Variants in CTNNBL1 observed in about 807,000 individuals in gnomAD.
CTNNBL1 encodes beta-catenin-like protein 1.
Under a neutral mutation model 72.7 loss-of-function variants are expected in CTNNBL1, and 31 were observed. The ratio of observed to expected loss-of-function variants is 0.43; its 90% CI spans 0.32 to 0.58. The LOEUF (loss-of-function observed/expected upper bound fraction) is 0.58. CTNNBL1 is among the 20% of genes least tolerant of loss of function. The pLI, the probability that CTNNBL1 is intolerant of heterozygous loss-of-function variation, is 0.08. For missense variants in CTNNBL1, 534 were observed against 725.1 expected (o/e 0.74, Z 3.03); for synonymous variants, 240 against 267.3 (o/e 0.90, Z 1.00).
At chr20:37,752,890 A>G (rs181307007) in intron 4 of CTNNBL1, among the ~76,000 whole-genome samples, 2 of 152,222 alleles carry the variant, frequency 1.3e-5, no homozygotes, top group African/African-American at 2.4e-5. Context: ...TCGCAGGGAG[A>G]CAGGCTCTCT....
chr20:37,694,681 T>TA (rs2072774956), intron 1 of CTNNBL1, among the ~76,000 whole-genome samples: 1 of 152,226 alleles, frequency 6.6e-6, no homozygotes, highest in African/African-American at 2.4e-5. Flanking sequence ...AAGCTGGTTT[T>TA]AAAGTGTGGA....
chr20:37,864,526 G>T (rs1044863785), intron 15 of CTNNBL1, among the ~76,000 whole-genome samples: 1 of 152,190 alleles, frequency 6.6e-6, no homozygotes, highest in South Asian at 2.1e-4. Context: ...TGCCAAGAGC[G>T]CAGGGAATAA....
chr20:37,698,738 A>G (rs2072813909), intron 1 of CTNNBL1, among the ~76,000 whole-genome samples: 1 of 152,140 alleles, frequency 6.6e-6, no homozygotes, highest in Non-Finnish European at 1.5e-5. Flanking sequence ...GAAAGTCATG[A>G]GTTTATGGAT....
intron 7 of CTNNBL1, among the ~76,000 whole-genome samples, chr20:37,769,088 A>G (rs1235468183): frequency 6.6e-6 from 1 of 152,180 alleles, no homozygotes; most frequent in Non-Finnish European, 1.5e-5. Context: ...CTATAAATTA[A>G]ACTTTATTAT....
chr20:37,849,506 T>G (rs930662680), intron 13 of CTNNBL1, among the ~76,000 whole-genome samples: 1 of 152,260 alleles, frequency 6.6e-6, no homozygotes, highest in Non-Finnish European at 1.5e-5. Flanking sequence ...CTCCGAACTC[T>G]GCCCAGAATA....
intron 5 of CTNNBL1, among the ~76,000 whole-genome samples, chr20:37,764,130 A>AGACCT (rs1287486486): frequency 1.3e-5 from 2 of 152,174 alleles, no homozygotes; most frequent in African/African-American, 4.8e-5. Context: ...GACCTAGGGT[A>AGACCT]AGGCCTGTTA....
chr20:37,816,424 GT>G (rs2072059758), intron 11 of CTNNBL1, among the ~76,000 whole-genome samples: 1 of 152,234 alleles, frequency 6.6e-6, no homozygotes, highest in African/African-American at 2.4e-5. Context: ...GAAGACTTGG[GT>G]TTGTGTTTCT....
chr20:37,754,501 A>G (rs2073347123), intron 4 of CTNNBL1, among the ~76,000 whole-genome samples: 1 of 152,178 alleles, frequency 6.6e-6, no homozygotes, highest in Non-Finnish European at 1.5e-5. Context: ...TATGCATATT[A>G]AATAAGCATT....
chr20:37,777,289 TG>T, intron 7 of CTNNBL1, 55 bp from the exon 8 acceptor site: 1 of 1,413,726 alleles, frequency 7.1e-7, no homozygotes, highest in Non-Finnish European at 1.0e-6. Context: ...AAATTTGTCC[TG>T]GGGAAGGAAG....
intron 11 of CTNNBL1, among the ~76,000 whole-genome samples, chr20:37,818,549 GTCTTT>G (rs1440097576): frequency 6.6e-6 from 1 of 152,214 alleles, no homozygotes; most frequent in African/African-American, 2.4e-5. Context: ...CCAGACTACT[GTCTTT>G]GTCAAGACTT....
chr20:37,711,810 T>C (rs999508813), intron 1 of CTNNBL1, among the ~76,000 whole-genome samples: 2 of 151,428 alleles, frequency 1.3e-5, no homozygotes, highest in African/African-American at 4.9e-5. Context: ...AACTCTGAGG[T>C]GGGAACAGAC....
intron 3 of CTNNBL1, among the ~76,000 whole-genome samples, chr20:37,745,565 A>T (rs2073255019): frequency 6.6e-6 from 1 of 152,126 alleles, no homozygotes; most frequent in African/African-American, 2.4e-5. Flanking sequence ...AGATAACCTT[A>T]TTGTCCCTAT....
chr20:37,864,879 CG>C (rs770800231), intron 15 of CTNNBL1, among the ~76,000 whole-genome samples: 3 of 152,050 alleles, frequency 2.0e-5, no homozygotes, highest in African/African-American at 4.8e-5. Flanking sequence ...AGTCACTTAC[CG>C]AGCTCCTACC....
chr20:37,825,913 T>C (rs1453140230), intron 11 of CTNNBL1, among the ~76,000 whole-genome samples: 1 of 152,172 alleles, frequency 6.6e-6, no homozygotes, highest in Non-Finnish European at 1.5e-5. Flanking sequence ...ACAAAGCCTG[T>C]TGTAGGAGCC....
intron 13 of CTNNBL1, among the ~76,000 whole-genome samples, chr20:37,857,663 G>A (rs1225464903): frequency 6.6e-6 from 1 of 151,278 alleles, no homozygotes; most frequent in African/African-American, 2.4e-5. Flanking sequence ...GATGACCATA[G>A]TGGTGAGTTC....
chr20:37,844,257 G>A (rs2072328667), intron 13 of CTNNBL1, among the ~76,000 whole-genome samples: 1 of 152,114 alleles, frequency 6.6e-6, no homozygotes, highest in Non-Finnish European at 1.5e-5. Context: ...GGGAGTCAGG[G>A]GACCTAGGAT....
At chr20:37,851,939 T>A (rs1649595332) in intron 13 of CTNNBL1, among the ~76,000 whole-genome samples, 1 of 152,220 alleles carries the variant, frequency 6.6e-6, no homozygotes, top group African/African-American at 2.4e-5. Flanking sequence ...TGGTAGTCAT[T>A]TGGTATCTGT....
chr20:37,774,542 T>C (rs2073557356), intron 7 of CTNNBL1, among the ~76,000 whole-genome samples: 1 of 152,240 alleles, frequency 6.6e-6, no homozygotes, highest in African/African-American at 2.4e-5. Context: ...AATTTAAAAA[T>C]GATGAAGTTA....
In CTNNBL1 at chr20:37,779,333, C is replaced by G; in HGVS notation, c.1029C>G (p.Leu343=). 1 of 1,613,358 alleles carries G rather than the reference C, an allele frequency of 6.2e-7. No individual in the cohort carries two copies. The highest frequency in any genetic ancestry group is 8.5e-7 in the Non-Finnish European group (1 of 1,179,492). ...GEGLQLMNLM[L]REKKISRSSA... ...GTCTTCAGCTGATGAATCTCATGCTCAGGTATGTTTCGAATGCCCTAGTTC... is the reference window on the plus strand; with the variant it reads ...GTCTTCAGCTGATGAATCTCATGCTGAGGTATGTTTCGAATGCCCTAGTTC... The change falls in exon 10 of 16, where the codon CTC becomes CTG. Residue 343 remains leucine, a splice_region_variant and synonymous_variant. Transcript: ENST00000361383.
Sources: gnomAD v4.1 joint callset for allele counts (sites outside exome capture counted in the v4.1 genomes callset) on GRCh38, gnomAD v4.1.1 for gene constraint, MANE v1.5 for transcripts, NCBI Gene and HGNC (gene_info 2026-07-23, HGNC 2026-07-21) for gene names.